NDUFS6: variants seen among roughly 807,000 people sequenced by gnomAD.
NDUFS6 encodes the protein NADH:ubiquinone oxidoreductase subunit S6.
Under a neutral mutation model 13.2 loss-of-function variants are expected in NDUFS6, and 14 were observed. The observed-to-expected ratio is 1.06, with a 90% CI of 0.70 to 1.66. The LOEUF is 1.66. Among genes scored for constraint, NDUFS6 ranks in the 40% most tolerant of loss-of-function variants. NDUFS6 has a pLI of 0.00. For synonymous variants in NDUFS6, 95 were observed against 72.3 expected (o/e 1.31, Z -1.60); for missense variants, 206 against 170.8 (o/e 1.21, Z -1.15).
Position 1,812,926 on chromosome 5 carries a change from G to T in NDUFS6, c.187-1413G>T, listed in dbSNP as rs377564471. Reference sequence around the variant, plus strand: ...AAATTAGTCGGACGTGGTGGCGGGTGCCTGTAATCCCAGCTACTCGGGAGG... The same window carrying T: ...AAATTAGTCGGACGTGGTGGCGGGTTCCTGTAATCCCAGCTACTCGGGAGG... On this transcript the variant is annotated intron_variant, in intron 2 of 3. Coordinates refer to ENST00000274137, the MANE Select transcript of NDUFS6 (RefSeq NM_004553.6). Among the ~76,000 whole-genome samples, 14 of 152,294 alleles carry T rather than the reference G, an allele frequency of 9.2e-5. 1 individual carries two copies. In the South Asian group the frequency reaches 2.7e-3, roughly 29 times the overall value.
At chr5:1,806,167 C>G (rs926807929) in intron 2 of NDUFS6, among the ~76,000 whole-genome samples, 1 of 152,230 alleles carries the variant, frequency 6.6e-6, no homozygotes, top group Non-Finnish European at 1.5e-5. Flanking sequence ...GCAGCAAACC[C>G]GGAACATCAG....
Position 1,815,928 on chromosome 5 carries a change from C to T in NDUFS6, c.*12C>T, listed in dbSNP as rs951746538. The T allele has an allele frequency of 1.8e-5, 29 of 1,614,066 alleles. No homozygotes were observed. Among genetic ancestry groups the T allele is most frequent in the East Asian group, 6.7e-5 (3 of 44,904 alleles). On this transcript the variant is annotated 3_prime_UTR_variant, in exon 4 of 4. Coordinates refer to ENST00000274137, the MANE Select transcript of NDUFS6 (RefSeq NM_004553.6). ...AGCACCACCACTAGAGCGTGTGGCA[C>T]GCCGGGGGTCCCGCAGCATCCTGTG...
chr5:1,807,110 A>ATGAGGTACTCAGAGATACTGCG, intron 2 of NDUFS6, among the ~76,000 whole-genome samples: 1 of 62,164 alleles, frequency 1.6e-5, no homozygotes, highest in East Asian at 7.0e-4. Flanking sequence ...GAAGTACTGT[A>ATGAGGTACTCAGAGATACTGCG]TGAGGTACTC....
intron 2 of NDUFS6, among the ~76,000 whole-genome samples, chr5:1,809,814 G>A (rs1301512670): frequency 6.6e-6 from 1 of 152,268 alleles, no homozygotes; most frequent in Non-Finnish European, 1.5e-5. Flanking sequence ...AGAGCCCTCT[G>A]TAAGGCGCTG....
intron 2 of NDUFS6, among the ~76,000 whole-genome samples, chr5:1,802,810 G>A (rs1300012006): frequency 2.0e-5 from 3 of 152,128 alleles, no homozygotes; most frequent in Non-Finnish European, 2.9e-5. Context: ...TTCCCTTAGT[G>A]GGTCTGTTAG....
At chr5:1,804,548 G>A (rs566805759) in intron 2 of NDUFS6, among the ~76,000 whole-genome samples, 1 of 152,336 alleles carries the variant, frequency 6.6e-6, no homozygotes, top group Middle Eastern at 3.4e-3. Flanking sequence ...GGCACGTCTT[G>A]GCCTCACACC....
At chr5:1,810,705 A>C (rs890341934) in intron 2 of NDUFS6, among the ~76,000 whole-genome samples, 1 of 152,194 alleles carries the variant, frequency 6.6e-6, no homozygotes, top group African/African-American at 2.4e-5. Flanking sequence ...CGGAGGGGCC[A>C]GTCTGGCTCA....
rs546548980 is a variant in NDUFS6 at position 1,806,989 on chromosome 5, GC to G, written c.186+4619del. Among the ~76,000 whole-genome samples the G allele has an allele frequency of 9.8e-5, 15 of 152,298 alleles. No individual in the cohort carries two copies. The South Asian group carries it at 2.9e-3, about 30-fold the overall frequency. ...AGCCTTAAGGAAGAACGCTTGACACGCCCCACAACACGGATAAGCCTGGAGG... is the reference window on the plus strand; with the variant it reads ...AGCCTTAAGGAAGAACGCTTGACACGCCCACAACACGGATAAGCCTGGAGG... On this transcript the variant is annotated intron_variant, in intron 2 of 3. Coordinates refer to ENST00000274137, the MANE Select transcript of NDUFS6 (RefSeq NM_004553.6).
chr5:1,806,277 GC>G (rs1734120571), intron 2 of NDUFS6, among the ~76,000 whole-genome samples: 1 of 152,206 alleles, frequency 6.6e-6, no homozygotes, highest in African/African-American at 2.4e-5. Context: ...GCCTTCATCT[GC>G]CCGCCAGTGG....
chr5:1,811,017 A>G (rs1202869942), intron 2 of NDUFS6, among the ~76,000 whole-genome samples: 1 of 152,204 alleles, frequency 6.6e-6, no homozygotes, highest in Non-Finnish European at 1.5e-5. Context: ...CGTGAAGATG[A>G]TGAGGATGAA....
chr5:1,806,663 C>T (rs1021149851), intron 2 of NDUFS6, among the ~76,000 whole-genome samples: 1 of 152,124 alleles, frequency 6.6e-6, no homozygotes, highest in African/African-American at 2.4e-5. Flanking sequence ...AGAAAACAAG[C>T]GTGGGTGACG....
intron 2 of NDUFS6, among the ~76,000 whole-genome samples, chr5:1,808,259 C>T (rs377399519): frequency 7.9e-5 from 12 of 152,178 alleles, no homozygotes; most frequent in East Asian, 5.8e-4. Flanking sequence ...GTGCGATGTG[C>T]GCCATGGCTG....
intron 2 of NDUFS6, among the ~76,000 whole-genome samples, chr5:1,807,109 T>C (rs796349323): frequency 8.7e-4 from 11 of 12,626 alleles, no homozygotes; most frequent in East Asian, 6.0e-3. Flanking sequence ...AGAAGTACTG[T>C]ATGAGGTACT....
At chr5:1,803,989 G>C (rs1239624235) in intron 2 of NDUFS6, among the ~76,000 whole-genome samples, 1 of 152,168 alleles carries the variant, frequency 6.6e-6, no homozygotes, top group East Asian at 1.9e-4. Flanking sequence ...CGTGGAGAAG[G>C]GGAGAAACCG....
chr5:1,815,077 A>G (rs1734287518), intron 3 of NDUFS6, among the ~76,000 whole-genome samples: 1 of 152,184 alleles, frequency 6.6e-6, no homozygotes, highest in Non-Finnish European at 1.5e-5. Flanking sequence ...TGGGGGGCAC[A>G]CGGTTTATTT....
chr5:1,808,214 T>G (rs1212887210), intron 2 of NDUFS6, among the ~76,000 whole-genome samples: 1 of 152,180 alleles, frequency 6.6e-6, no homozygotes, highest in Non-Finnish European at 1.5e-5. Context: ...TGAAGCAACC[T>G]GGGCGTCCTT....
intron 1 of NDUFS6, among the ~76,000 whole-genome samples, 200 bp downstream of exon 1, chr5:1,801,749 C>T (rs1028376784): frequency 9.2e-5 from 14 of 152,240 alleles, no homozygotes; most frequent in African/African-American, 2.2e-4. Context: ...GGGTCTCGTC[C>T]TTCCAGGGCC....
At chr5:1,813,855 G>T (rs992495305) in intron 2 of NDUFS6, among the ~76,000 whole-genome samples, 3 of 152,236 alleles carry the variant, frequency 2.0e-5, no homozygotes, top group Non-Finnish European at 2.9e-5. Context: ...GGATTGCAGA[G>T]CTACTGGCAT....
intron 2 of NDUFS6, among the ~76,000 whole-genome samples, chr5:1,812,537 T>TTTTTTTTTTTTTTTTTTTTTGAGACGGAG (rs1734233673): frequency 7.0e-6 from 1 of 143,830 alleles, no homozygotes; most frequent in Non-Finnish European, 1.5e-5. Context: ...GACTCCTCTT[T>TTTTTTTTTTTTTTTTTTTTTGAGACGGAG]TAACACAACC....
Sources: allele counts gnomAD v4.1 joint callset (sites outside exome capture counted in the v4.1 genomes callset), GRCh38; gene constraint gnomAD v4.1.1; transcripts MANE v1.5; gene names NCBI Gene and HGNC (gene_info 2026-07-23, HGNC 2026-07-21).